The following LRBA variants were observed in gnomAD, a reference collection of about 807,000 sequenced individuals.
LRBA encodes the protein lipopolysaccharide-responsive and beige-like anchor protein.
A neutral mutation model predicts 330.0 loss-of-function variants in LRBA; 176 were observed. That is an observed-to-expected ratio of 0.53 (90% CI 0.47 to 0.60). The LOEUF is 0.60. LRBA is among the 20% of genes least tolerant of loss of function. The probability of loss-of-function intolerance (pLI) is 0.00; values close to 1 mark genes in which losing one functional copy is unlikely to be tolerated. For synonymous variants in LRBA, 1,230 were observed against 1,193.0 expected, an observed-to-expected ratio of 1.03 and a Z score of -0.64; for missense variants, 3,259 against 3,444.8, an observed-to-expected ratio of 0.95 and a Z score of 1.35.
At chr4:150,429,280 C>T (rs1024485372) in intron 46 of LRBA, among the ~76,000 whole-genome samples, 1 of 151,912 alleles carries the variant, frequency 6.6e-6, no homozygotes, top group African/African-American at 2.4e-5. Context: ...TTAAAGATAA[C>T]TAAAACAAAT....
chr4:150,934,829 C>A (rs932338640), intron 2 of LRBA, among the ~76,000 whole-genome samples: 12 of 151,858 alleles, frequency 7.9e-5, no homozygotes, highest in Non-Finnish European at 2.9e-5. Context: ...GGCAACACGG[C>A]GAAACCCCGT....
intron 40 of LRBA, among the ~76,000 whole-genome samples, chr4:150,529,430 T>C (rs1763820359): frequency 1.3e-5 from 2 of 152,038 alleles, no homozygotes; most frequent in African/African-American, 4.8e-5. Context: ...TTAAAAGCAA[T>C]AATCTGGCCA....
At chr4:150,414,773 G>A (rs1747493683) in intron 47 of LRBA, among the ~76,000 whole-genome samples, 1 of 152,136 alleles carries the variant, frequency 6.6e-6, no homozygotes, top group South Asian at 2.1e-4. Context: ...TTACAGGTGC[G>A]AGCCACCGCA....
chr4:150,740,615 A>T (rs1731813426), intron 35 of LRBA, among the ~76,000 whole-genome samples: 1 of 150,496 alleles, frequency 6.6e-6, no homozygotes, highest in African/African-American at 2.4e-5. Context: ...AATGTGCTAG[A>T]ATTCTGCATG....
At chr4:150,702,693 T>G (rs945915462) in intron 36 of LRBA, among the ~76,000 whole-genome samples, 1 of 152,122 alleles carries the variant, frequency 6.6e-6, no homozygotes, top group African/African-American at 2.4e-5. Context: ...CACTACAGAC[T>G]GCAAAAACGA....
chr4:150,467,144 T>C (rs902224357), intron 44 of LRBA, among the ~76,000 whole-genome samples: 2 of 152,074 alleles, frequency 1.3e-5, no homozygotes, highest in African/African-American at 4.8e-5. Flanking sequence ...TGAACATCAG[T>C]AAATAACTGC....
At chr4:150,628,130 T>G (rs1408172822) in intron 37 of LRBA, among the ~76,000 whole-genome samples, 1 of 152,178 alleles carries the variant, frequency 6.6e-6, no homozygotes, top group Non-Finnish European at 1.5e-5. Context: ...CACTTGAATA[T>G]GCTCAAGGAA....
chr4:150,295,381 G>A (rs772952128), intron 53 of LRBA, among the ~76,000 whole-genome samples: 2 of 151,818 alleles, frequency 1.3e-5, no homozygotes, highest in African/African-American at 2.4e-5. Context: ...ACTTCTTGTA[G>A]AGACAGCGTC....
intron 20 of LRBA, among the ~76,000 whole-genome samples, chr4:150,870,088 T>C (rs1237454019): frequency 6.6e-6 from 1 of 152,210 alleles, no homozygotes; most frequent in Non-Finnish European, 1.5e-5. Flanking sequence ...TGCTTAAGAA[T>C]TCTAAATATC....
At chr4:150,715,629 G>T (rs902718624) in intron 36 of LRBA, among the ~76,000 whole-genome samples, 17 of 152,132 alleles carry the variant, frequency 1.1e-4, no homozygotes, top group African/African-American at 3.9e-4. Context: ...TATTTTATTT[G>T]TATGTTTTGT....
intron 54 of LRBA, 108 bp downstream of exon 54, chr4:150,285,825 C>T: frequency 3.5e-6 from 2 of 578,734 alleles, no homozygotes; most frequent in Non-Finnish European, 5.8e-6. Context: ...TAATGGCTAT[C>T]ATAACAGACA....
At chr4:150,831,633 T>C (rs1409587114) in intron 29 of LRBA, among the ~76,000 whole-genome samples, 184 bp downstream of exon 29, 1 of 152,186 alleles carries the variant, frequency 6.6e-6, no homozygotes, top group African/African-American at 2.4e-5. Flanking sequence ...ACAAAAAATA[T>C]CCCAATTGCA....
At chr4:150,704,313 A>G (rs918807229) in intron 36 of LRBA, among the ~76,000 whole-genome samples, 6 of 151,962 alleles carry the variant, frequency 3.9e-5, no homozygotes, top group African/African-American at 1.5e-4. Flanking sequence ...GTGCCAAAAC[A>G]TTGTCTTGCC....
At chr4:150,987,899 G>A (rs1044604799) in intron 2 of LRBA, among the ~76,000 whole-genome samples, 1 of 151,752 alleles carries the variant, frequency 6.6e-6, no homozygotes, top group African/African-American at 2.4e-5. Flanking sequence ...CTACCCAGGA[G>A]GCTGAGGCAG....
chr4:150,947,547 A>G (rs1434518342), intron 2 of LRBA, among the ~76,000 whole-genome samples: 1 of 152,062 alleles, frequency 6.6e-6, no homozygotes, highest in South Asian at 2.1e-4. Context: ...GATAAGCAAC[A>G]TTTACATAAA....
intron 48 of LRBA, among the ~76,000 whole-genome samples, chr4:150,330,302 C>T (rs894036433): frequency 2.6e-5 from 4 of 152,052 alleles, no homozygotes; most frequent in African/African-American, 4.8e-5. Flanking sequence ...TCTAGAAAAC[C>T]CTGTTTGAGT....
chr4:150,361,708 T>C (rs1581114256), intron 47 of LRBA, among the ~76,000 whole-genome samples: 1 of 152,060 alleles, frequency 6.6e-6, no homozygotes, highest in African/African-American at 2.4e-5. Flanking sequence ...CTTCAATTAC[T>C]TCAACCAACA....
intron 40 of LRBA, among the ~76,000 whole-genome samples, chr4:150,507,520 G>C (rs1271473253): frequency 6.6e-6 from 1 of 152,166 alleles, no homozygotes; most frequent in Admixed American, 6.6e-5. Context: ...AAACTGGCTA[G>C]CCATATGTAG....
chr4:150,765,009 G>A lies in LRBA; in HGVS notation c.5581-3162C>T, dbSNP rs1034061976. Among the ~76,000 whole-genome samples, 23 of 151,180 alleles carry A rather than the reference G, an allele frequency of 1.5e-4. No homozygotes were observed. In the South Asian group the frequency reaches 1.7e-3, roughly 11 times the overall value. The stretch of plus-strand genomic sequence containing the variant: ...CTTTATTCATAAATGCCAAAACTTA[G>A]AAGCAAACAAAATGTCCTTCAGAAG... On this transcript the variant is annotated intron_variant, in intron 34 of 56. Transcript: ENST00000651943.
Sources: allele counts gnomAD v4.1 joint callset (sites outside exome capture counted in the v4.1 genomes callset), GRCh38; gene constraint gnomAD v4.1.1; transcripts MANE v1.5; gene names NCBI Gene and HGNC (gene_info 2026-07-23, HGNC 2026-07-21).